The following TBC1D5 variants were observed in gnomAD, a reference collection of about 807,000 sequenced individuals.
TBC1D5 encodes TBC1 domain family, member 5.
Under a neutral mutation model 100.3 loss-of-function variants are expected in TBC1D5, and 75 were observed. The ratio of observed to expected loss-of-function variants is 0.75; its 90% CI spans 0.62 to 0.91. The LOEUF is 0.91. Ranked by LOEUF, TBC1D5 falls within the 40% of genes least tolerant of loss-of-function variation. The probability of loss-of-function intolerance (pLI) is 0.00; values close to 1 mark genes in which losing one functional copy is unlikely to be tolerated. For missense variants in TBC1D5, 910 were observed against 942.4 expected (o/e 0.97, Z 0.45); for synonymous variants, 323 against 325.6 (o/e 0.99, Z 0.09).
chr3:17,166,688 G>C, intron 21 of TBC1D5, 79 bp downstream of exon 22: 1 of 1,531,626 alleles, frequency 6.5e-7, no homozygotes, highest in Non-Finnish European at 8.8e-7. Flanking sequence ...CTTTGGTAGG[G>C]TGTATTCTTA....
intron 3 of TBC1D5, among the ~76,000 whole-genome samples, chr3:17,479,459 A>G (rs1213567611): frequency 6.6e-6 from 1 of 152,242 alleles, no homozygotes; most frequent in Non-Finnish European, 1.5e-5. Context: ...TCAAGAAATG[A>G]TTCAAAACAT....
intron 1 of TBC1D5, among the ~76,000 whole-genome samples, chr3:17,690,201 CATA>C (rs574536891): frequency 6.6e-5 from 5 of 75,738 alleles, no homozygotes; most frequent in African/African-American, 2.2e-4. Flanking sequence ...TAAAAATAGC[CATA>C]TTTTTTTTTT....
intron 1 of TBC1D5, among the ~76,000 whole-genome samples, chr3:17,687,718 G>A (rs2070516102): frequency 6.6e-6 from 1 of 152,192 alleles, no homozygotes; most frequent in Admixed American, 6.5e-5. Flanking sequence ...GCAGGAAGAA[G>A]TCTGAAAGGA....
intron 3 of TBC1D5, among the ~76,000 whole-genome samples, chr3:17,485,555 T>C (rs939810112): frequency 2.8e-5 from 4 of 144,048 alleles, no homozygotes; most frequent in Non-Finnish European, 4.5e-5. Context: ...TGTGTTCTCA[T>C]TGTTCAATTC....
intron 17 of TBC1D5, among the ~76,000 whole-genome samples, chr3:17,229,698 A>C (rs2075251303): frequency 6.6e-6 from 1 of 152,090 alleles, no homozygotes; most frequent in Non-Finnish European, 1.5e-5. Context: ...TAAGAGGTTA[A>C]GTAACTTCCC....
chr3:17,344,438 CAT>C (rs1420015566), intron 13 of TBC1D5, among the ~76,000 whole-genome samples: 1 of 151,714 alleles, frequency 6.6e-6, no homozygotes, highest in African/African-American at 2.4e-5. Context: ...AATGGAAGAA[CAT>C]TCCATGCTCA....
At chr3:17,254,774 G>GGT (rs2077493169) in intron 16 of TBC1D5, among the ~76,000 whole-genome samples, 1 of 98,982 alleles carries the variant, frequency 1.0e-5, no homozygotes, top group Non-Finnish European at 1.9e-5. Context: ...GGTGGGGGGG[G>GGT]GGTCCCAAGA....
chr3:17,168,293 C>T (rs1259830283), intron 19 of TBC1D5, among the ~76,000 whole-genome samples: 1 of 152,178 alleles, frequency 6.6e-6, no homozygotes, highest in Non-Finnish European at 1.5e-5. Context: ...AACAGTAAAA[C>T]ATGTTGCCAT....
chr3:17,593,122 G>A (rs2060339365), intron 2 of TBC1D5, among the ~76,000 whole-genome samples: 1 of 152,128 alleles, frequency 6.6e-6, no homozygotes, highest in Admixed American at 6.5e-5. Flanking sequence ...CTGCCACCCT[G>A]CCTTCTCTCC....
intron 16 of TBC1D5, among the ~76,000 whole-genome samples, chr3:17,241,792 T>G (rs1035303815): frequency 3.3e-5 from 5 of 152,200 alleles, no homozygotes; most frequent in African/African-American, 1.2e-4. Flanking sequence ...TTCTGTGTTG[T>G]GTTAATTCAT....
At chr3:17,636,840 T>G (rs1459606172) in intron 1 of TBC1D5, among the ~76,000 whole-genome samples, 1 of 151,930 alleles carries the variant, frequency 6.6e-6, no homozygotes, top group African/African-American at 2.4e-5. Flanking sequence ...AGAATAGATT[T>G]ACCAACTGAC....
At chr3:17,699,114 T>G (rs1276758356) in intron 1 of TBC1D5, among the ~76,000 whole-genome samples, 2 of 147,514 alleles carry the variant, frequency 1.4e-5, no homozygotes, top group Non-Finnish European at 3.0e-5. Context: ...TGCGGCATTA[T>G]TCACAATAGC....
intron 13 of TBC1D5, among the ~76,000 whole-genome samples, chr3:17,349,590 T>A (rs1175587673): frequency 6.6e-6 from 1 of 152,208 alleles, no homozygotes; most frequent in Non-Finnish European, 1.5e-5. Context: ...TTGACTGATG[T>A]ATAGCAATGC....
At chr3:17,575,915 C>A (rs1023821401) in intron 2 of TBC1D5, among the ~76,000 whole-genome samples, 3 of 152,002 alleles carry the variant, frequency 2.0e-5, no homozygotes, top group Non-Finnish European at 2.9e-5. Flanking sequence ...AAATTAAATT[C>A]TTGGCTTTGT....
chr3:17,529,501 T>C (rs1157571595), intron 2 of TBC1D5, among the ~76,000 whole-genome samples: 1 of 151,650 alleles, frequency 6.6e-6, no homozygotes, highest in African/African-American at 2.4e-5. Flanking sequence ...AGAGAAAGGG[T>C]GGGGGGAAGA....
chr3:17,296,026 T>C (rs1227073540), intron 14 of TBC1D5, among the ~76,000 whole-genome samples: 1 of 152,298 alleles, frequency 6.6e-6, no homozygotes, highest in East Asian at 1.9e-4. Context: ...CACACACCAC[T>C]GTGTCTTATA....
intron 3 of TBC1D5, among the ~76,000 whole-genome samples, chr3:17,507,229 T>C (rs977022133): frequency 3.3e-5 from 5 of 152,170 alleles, no homozygotes; most frequent in African/African-American, 4.8e-5. Flanking sequence ...TAAGAGAAAA[T>C]ATCACTAGAA....
At chr3:17,617,640 T>C (rs1247852377) in intron 2 of TBC1D5, among the ~76,000 whole-genome samples, 1 of 152,222 alleles carries the variant, frequency 6.6e-6, no homozygotes, top group East Asian at 1.9e-4. Flanking sequence ...CTTTATTTCA[T>C]TAATTTGATC....
chr3:17,483,622 T>C (rs2095525500), intron 3 of TBC1D5, among the ~76,000 whole-genome samples: 1 of 152,206 alleles, frequency 6.6e-6, no homozygotes, highest in Non-Finnish European at 1.5e-5. Flanking sequence ...AAACTCACAA[T>C]TGAACTGTAT....
Sources: allele counts gnomAD v4.1 joint callset (sites outside exome capture counted in the v4.1 genomes callset), GRCh38; gene constraint gnomAD v4.1.1; transcripts MANE v1.5; gene names NCBI Gene and HGNC (gene_info 2026-07-23, HGNC 2026-07-21).